CRB3: variants seen among roughly 807,000 people sequenced by gnomAD.
CRB3 encodes the protein crumbs cell polarity complex component 3.
Under a neutral mutation model 10.4 loss-of-function variants are expected in CRB3, and 4 were observed. That is an observed-to-expected ratio of 0.39 (90% confidence interval 0.19 to 0.88). The LOEUF (loss-of-function observed/expected upper bound fraction) is 0.88. Among genes scored for constraint, CRB3 ranks in the 40% least tolerant of loss-of-function variants. The probability of loss-of-function intolerance (pLI) is 0.39; values close to 1 mark genes in which losing one functional copy is unlikely to be tolerated. For missense variants in CRB3, 154 were observed against 160.2 expected (o/e 0.96, Z 0.21); for synonymous variants, 74 against 73.4 (o/e 1.01, Z -0.04).
Position 6,467,082 on chromosome 19 carries a change from C to A in CRB3, c.*410C>A. 6.7e-7 allele frequency: 1 copy of A among 1,487,170 alleles called. No individual in the cohort carries two copies. Among genetic ancestry groups the A allele is most frequent in the Non-Finnish European group, 9.4e-7 (1 of 1,068,886 alleles). 92.1% of individuals were successfully genotyped at this position (1,487,170 alleles called of 1,614,324 possible). A position where few individuals can be genotyped will look rare whatever the true frequency, so the allele number is the denominator to read the frequency against. ...GTGTGACCTTGGGGAAAGGCAGTGCCCTCTCTGGGCAGTCAGATCCACCCA... is the reference window on the plus strand; with the variant it reads ...GTGTGACCTTGGGGAAAGGCAGTGCACTCTCTGGGCAGTCAGATCCACCCA... On this transcript the variant is annotated 3_prime_UTR_variant, in exon 4 of 4. Transcript: ENST00000600229.
Position 6,464,572 on chromosome 19 carries a change from T to A in CRB3, c.-94-36T>A, listed in dbSNP as rs1473967679. 7.7e-6 allele frequency: 4 copies of A among 518,872 alleles called. No homozygotes were observed. Among genetic ancestry groups the A allele is most frequent in the Non-Finnish European group, 1.2e-5 (4 of 337,632 alleles). 32.1% of individuals were successfully genotyped at this position (518,872 alleles called of 1,614,324 possible). On this transcript the variant is annotated intron_variant, in intron 1 of 3. Transcript: ENST00000600229. The surrounding 1 kb of genome is among the most constrained non-coding windows in gnomAD (Gnocchi z 5.3). ...GCCTGCGCCGGGGTCCCCACCCCGA[T>A]CCCAACGCCTGGGCCTCTCCTTCTC...
At position 6,464,727 on chromosome 19, in the gene CRB3, T is replaced by C. The variant is rs772973784; in HGVS notation, c.26T>C (p.Leu9Pro). 1.4e-5 allele frequency: 17 copies of C among 1,248,884 alleles called. No homozygotes were observed. In the South Asian group the frequency reaches 6.6e-4, roughly 49 times the overall value. The allele number at this position is 1,248,884 out of a possible 1,614,324, so 77.4% of individuals were successfully genotyped here. Residue 9 changes from leucine to proline, a missense_variant, in exon 2 of 4, where the codon CTT becomes CCT. Physicochemically the swap from Leu to Pro is moderately conservative, Grantham distance 98. Coordinates refer to ENST00000600229, the MANE Select transcript of CRB3 (RefSeq NM_139161.5). The surrounding 1 kb of genome is among the most constrained non-coding windows in gnomAD (Gnocchi z 5.3). ...ATGGCGAACCCCGGGCTGGGGCTGC[T>C]TCTGGCGCTGGGCCTGCCGTTCCTG... MANPGLGL[L>P]LALGLPFLLA...
chr19:6,466,103 G>A lies in CRB3; in HGVS notation c.157-363G>A, dbSNP rs2092792870. Reference sequence around the variant, plus strand: ...TAATCCCAGCTACTTGGGAGGCTGAGGCAGGGGGAATTGCTTGAGCCCAGA... The same window carrying A: ...TAATCCCAGCTACTTGGGAGGCTGAAGCAGGGGGAATTGCTTGAGCCCAGA... On this transcript the variant is annotated intron_variant, in intron 3 of 3. Transcript: ENST00000600229. The surrounding 1 kb of genome is among the most constrained non-coding windows in gnomAD (Gnocchi z 4.9). Among the ~76,000 whole-genome samples, 1 of 152,142 alleles carries A rather than the reference G, an allele frequency of 6.6e-6. No homozygotes were observed. Among genetic ancestry groups the A allele is most frequent in the Non-Finnish European group, 1.5e-5 (1 of 68,020 alleles).
chr19:6,464,383 C>A lies in CRB3; in HGVS notation c.-95+33C>A, dbSNP rs2092784679. The A allele has an allele frequency of 1.5e-5, 4 of 271,554 alleles. No homozygotes were observed. 16.8% of individuals were successfully genotyped at this position (271,554 alleles called of 1,614,324 possible). A position where few individuals can be genotyped will look rare whatever the true frequency, so the allele number is the denominator to read the frequency against. On this transcript the variant is annotated intron_variant, in intron 1 of 3. Transcript: ENST00000600229. This position sits in a 1 kb window ranked among gnomAD's most constrained non-coding sequence, Gnocchi z 5.3. ...GGCAGGACGCACCGCTAGGCCTGCC[C>A]CCTCGCCCGTCCACCCTGCCCGTCC...
Position 6,466,067 on chromosome 19 carries a change from G to C in CRB3, c.157-399G>C, listed in dbSNP as rs1481898735. Among the ~76,000 whole-genome samples, 1 of 152,122 alleles carries C rather than the reference G, an allele frequency of 6.6e-6. No individual in the cohort carries two copies. Among genetic ancestry groups the C allele is most frequent in the African/African-American group, 2.4e-5 (1 of 41,416 alleles). ...TACAAAAAATTAGCCAGGCGGGGTG[G>C]CACACACCTGTAATCCCAGCTACTT... On this transcript the variant is annotated intron_variant, in intron 3 of 3. Coordinates refer to ENST00000600229, the MANE Select transcript of CRB3 (RefSeq NM_139161.5). The surrounding 1 kb of genome is among the most constrained non-coding windows in gnomAD (Gnocchi z 4.9).
At position 6,466,807 on chromosome 19, in the gene CRB3, G is replaced by C; in HGVS notation, c.*135G>C. 6.4e-7 allele frequency: 1 copy of C among 1,554,716 alleles called. No homozygotes were observed. On this transcript the variant is annotated 3_prime_UTR_variant, in exon 4 of 4. Transcript: ENST00000600229. The surrounding 1 kb of genome is among the most constrained non-coding windows in gnomAD (Gnocchi z 4.9). ...GGGGAGAGGCTGGGGGCACCCATGT[G>C]GTGGGCTCTGTGCAGCATGTTGCCT...
In CRB3 at chr19:6,465,549, G is replaced by A. The variant is rs2092790155; in HGVS notation, c.87G>A (p.Gln29=). Residue 29 remains glutamine, a synonymous_variant, in exon 3 of 4, where the codon CAG becomes CAA. Transcript: ENST00000600229. ...CTCTGCCTTCACCCTCCACAGTACA[G>A]ACCACTTCTGCAAATGAGAATAGCA... is the stretch of plus-strand genomic sequence containing the variant. ...ARWGRAWGQI[Q]TTSANENSTV... 6.2e-7 allele frequency: 1 copy of A among 1,613,880 alleles called. No individual in the cohort carries two copies. Among genetic ancestry groups the A allele is most frequent in the African/African-American group, 1.3e-5 (1 of 75,028 alleles).
rs2092799682 is a variant in CRB3, at chr19:6,467,142, C to T, written c.*470C>T. The T allele has an allele frequency of 2.3e-6, 2 of 859,612 alleles. No homozygotes were observed. The highest frequency in any genetic ancestry group is 3.7e-6 in the Non-Finnish European group (2 of 544,024). 53.2% of individuals were successfully genotyped at this position (859,612 alleles called of 1,614,324 possible). A position where few individuals can be genotyped will look rare whatever the true frequency, so the allele number is the denominator to read the frequency against. On this transcript the variant is annotated 3_prime_UTR_variant, in exon 4 of 4. Transcript: ENST00000600229. Reference sequence around the variant, plus strand: ...AGCAGGGAAGAAGGTACTTCAAAGACTCTGCCCCTGAGGTCAAGAGAGGAT... The same window carrying T: ...AGCAGGGAAGAAGGTACTTCAAAGATTCTGCCCCTGAGGTCAAGAGAGGAT...
chr19:6,464,875 G>C lies in CRB3; in HGVS notation c.82+92G>C, dbSNP rs961339345. 1.1e-5 allele frequency: 8 copies of C among 703,640 alleles called. No homozygotes were observed. The highest frequency in any genetic ancestry group is 4.3e-5 in the Admixed American group (1 of 23,054). The allele number at this position is 703,640 out of a possible 1,614,324, so 43.6% of individuals were successfully genotyped here. Reference sequence around the variant, plus strand: ...CTTAGAAGCGCTGGGTATCTGGGGCGCAGAGAGGGTCAAGAATTGGGGAGC... The same window carrying C: ...CTTAGAAGCGCTGGGTATCTGGGGCCCAGAGAGGGTCAAGAATTGGGGAGC... On this transcript the variant is annotated intron_variant, in intron 2 of 3. Transcript: ENST00000600229. This position sits in a 1 kb window ranked among gnomAD's most constrained non-coding sequence, Gnocchi z 5.3.
intron 2 of CRB3, chr19:6,465,005 T>G (rs544102717): frequency 2.1e-4 from 66 of 315,550 alleles, no homozygotes; most frequent in South Asian, 1.4e-3. Flanking sequence ...GAGACCTGAG[T>G]TCCCCAGCGA....
rs770621655 is a variant in CRB3, at chr19:6,466,150, G to C, written c.157-316G>C. 6.6e-6 allele frequency among the ~76,000 whole-genome samples: 1 copy of C among 151,956 alleles called. No individual in the cohort carries two copies. Among genetic ancestry groups the C allele is most frequent in the Non-Finnish European group, 1.5e-5 (1 of 67,968 alleles). On this transcript the variant is annotated intron_variant, in intron 3 of 3. Coordinates refer to ENST00000600229, the MANE Select transcript of CRB3 (RefSeq NM_139161.5). The surrounding 1 kb of genome is among the most constrained non-coding windows in gnomAD (Gnocchi z 4.9). Reference sequence around the variant, plus strand: ...CAGAAGGCGGAGGTTGCAGTGAGCCGAGATTGTGACACTGCACTCCAGCCT... The same window carrying C: ...CAGAAGGCGGAGGTTGCAGTGAGCCCAGATTGTGACACTGCACTCCAGCCT...
In CRB3 at chr19:6,464,961, T is replaced by G; in HGVS notation, c.82+178T>G. On this transcript the variant is annotated intron_variant, in intron 2 of 3. Transcript: ENST00000600229. This position sits in a 1 kb window ranked among gnomAD's most constrained non-coding sequence, Gnocchi z 5.3. ...TAGGGCTCGGGGGGATTAAGATTTCTAGTTTCTTCCTTGGACACTGGGAGT... is the reference window on the plus strand; with the variant it reads ...TAGGGCTCGGGGGGATTAAGATTTCGAGTTTCTTCCTTGGACACTGGGAGT... 2.5e-6 allele frequency: 1 copy of G among 394,234 alleles called. No homozygotes were observed. Among genetic ancestry groups the G allele is most frequent in the South Asian group, 1.4e-4 (1 of 7,058 alleles). 24.4% of individuals were successfully genotyped at this position (394,234 alleles called of 1,614,324 possible).
chr19:6,467,119 C>T lies in CRB3; in HGVS notation c.*447C>T. On this transcript the variant is annotated 3_prime_UTR_variant, in exon 4 of 4. Transcript: ENST00000600229. ...GTCAGATCCACCCAGTGCTTAATAGCAGGGAAGAAGGTACTTCAAAGACTC... is the reference window on the plus strand; with the variant it reads ...GTCAGATCCACCCAGTGCTTAATAGTAGGGAAGAAGGTACTTCAAAGACTC... 2 of 1,098,506 alleles carry T rather than the reference C, an allele frequency of 1.8e-6. No homozygotes were observed. The allele number at this position is 1,098,506 out of a possible 1,614,324, so 68.0% of individuals were successfully genotyped here. A position where few individuals can be genotyped will look rare whatever the true frequency, so the allele number is the denominator to read the frequency against.
intron 2 of CRB3, chr19:6,465,031 T>C: frequency 3.2e-6 from 1 of 311,666 alleles, no homozygotes; most frequent in Non-Finnish European, 5.8e-6. Flanking sequence ...AATTGTGTGT[T>C]GGAGTGGGGG....
At position 6,466,297 on chromosome 19, in the gene CRB3, G is replaced by C. The variant is rs2092793929; in HGVS notation, c.157-169G>C. Among the ~76,000 whole-genome samples the C allele has an allele frequency of 6.6e-6, 1 of 152,058 alleles. No individual in the cohort carries two copies. ...GAGCCTTCGCACCCCAGACAAGGTAGGTAGGGATCCAGGAAGCCCCACTGT... is the reference window on the plus strand; with the variant it reads ...GAGCCTTCGCACCCCAGACAAGGTACGTAGGGATCCAGGAAGCCCCACTGT... On this transcript the variant is annotated intron_variant, in intron 3 of 3. Transcript: ENST00000600229. This position sits in a 1 kb window ranked among gnomAD's most constrained non-coding sequence, Gnocchi z 4.9.
intron 2 of CRB3, chr19:6,465,060 G>C (rs1459176543): frequency 5.8e-6 from 2 of 342,838 alleles, no homozygotes; most frequent in Non-Finnish European, 1.0e-5. Flanking sequence ...TAGGACTTGG[G>C]GGGAGGTAAG....
upstream of CRB3, chr19:6,463,796 T>C (rs1274141404): frequency 6.6e-6 from 1 of 152,130 alleles, no homozygotes; most frequent in African/African-American, 2.4e-5. Flanking sequence ...TATTTATTTT[T>C]TGTAGAGAAT....
At position 6,466,879 on chromosome 19, in the gene CRB3, C is replaced by T. The variant is rs983336845; in HGVS notation, c.*207C>T. 4 of 1,580,204 alleles carry T rather than the reference C, an allele frequency of 2.5e-6. No individual in the cohort carries two copies. The highest frequency in any genetic ancestry group is 2.3e-5 in the South Asian group (2 of 86,200). On this transcript the variant is annotated 3_prime_UTR_variant, in exon 4 of 4. Transcript: ENST00000600229. The surrounding 1 kb of genome is among the most constrained non-coding windows in gnomAD (Gnocchi z 4.9). The stretch of plus-strand genomic sequence containing the variant: ...TCAGGGTGCTGGGGCTCGGGACCCA[C>T]CCCCCTGCTTGCGGAACCAACTTTT...
In CRB3 at chr19:6,466,937, C is replaced by T; in HGVS notation, c.*265C>T. On this transcript the variant is annotated 3_prime_UTR_variant, in exon 4 of 4. Coordinates refer to ENST00000600229, the MANE Select transcript of CRB3 (RefSeq NM_139161.5). The surrounding 1 kb of genome is among the most constrained non-coding windows in gnomAD (Gnocchi z 4.9). ...TGTCCAGCAGGCCCCACAACCCCCT[C>T]TCCTTTCTTTCAGTTCTCCCATGCA... is the stretch of plus-strand genomic sequence containing the variant. 1.2e-6 allele frequency: 2 copies of T among 1,613,448 alleles called. No homozygotes were observed. Among genetic ancestry groups the T allele is most frequent in the Non-Finnish European group, 1.7e-6 (2 of 1,179,672 alleles).
Sources: allele counts gnomAD v4.1 joint callset (sites outside exome capture counted in the v4.1 genomes callset), GRCh38; gene constraint gnomAD v4.1.1; non-coding constraint Gnocchi (gnomAD v3.1); transcripts MANE v1.5; gene names NCBI Gene and HGNC (gene_info 2026-07-23, HGNC 2026-07-21).